Variants in OR10D3 observed in about 807,000 individuals in gnomAD.
OR10D3 encodes olfactory receptor 10D3.
For missense variants in OR10D3, 286 were observed against 153.7 expected (o/e 1.86, Z -4.55); for synonymous variants, 100 against 57.6 (o/e 1.74, Z -3.33).
chr11:124,187,252 A>G (rs1455725383), exon 2 of OR10D3: 2 of 152,198 alleles, frequency 1.3e-5, no homozygotes, highest in Non-Finnish European at 2.9e-5. Context: ...TAGACTTGGT[A>G]AAGCTTCAAG....
exon 2 of OR10D3, chr11:124,187,138 A>G (rs1013468778): frequency 1.3e-5 from 2 of 152,224 alleles, no homozygotes; most frequent in Admixed American, 1.3e-4. Context: ...ATTAAAAACT[A>G]TGATGTGTAT....
Position 124,185,860 on chromosome 11 carries a change from G to GGTGA in OR10D3, c.593_596dup (p.Phe200GlufsTer22), listed in dbSNP as rs944798994. On this transcript the variant is annotated frameshift_variant, in exon 2 of 2. Coordinates refer to ENST00000641351, the Ensembl canonical transcript of OR10D3. LOFTEE classifies it low-confidence loss of function (END_TRUNC). ...GTGCTGACACATCCTTAGCCCAGAG[G>GGTGA]GTGAGCTTCACCAACGTTGGCCTCA... The GGTGA allele has an allele frequency of 2.8e-6, 2 of 703,286 alleles. No homozygotes were observed. The highest frequency in any genetic ancestry group is 3.5e-5 in the African/African-American group (2 of 57,248). The allele number at this position is 703,286 out of a possible 1,614,324, so 43.6% of individuals were successfully genotyped here.
At chr11:124,187,836 G>A (rs1861243515) in exon 2 of OR10D3, 1 of 152,190 alleles carries the variant, frequency 6.6e-6, no homozygotes. Context: ...CATAAATGCT[G>A]TGTAAAACTA....
intron 1 of OR10D3, among the ~76,000 whole-genome samples, chr11:124,184,703 G>T (rs556255842): frequency 5.9e-5 from 9 of 152,242 alleles, no homozygotes; most frequent in South Asian, 2.1e-4. Context: ...CTTTTCTGTA[G>T]ACCTCCTCAA....
exon 2 of OR10D3, chr11:124,185,980 C>T: frequency 1.4e-6 from 1 of 703,414 alleles, no homozygotes; most frequent in Non-Finnish European, 2.6e-6. Flanking sequence ...GTCGCCGTGC[C>T]TTCTCCACCT....
chr11:124,185,381 A>G (rs61907117), exon 2 of OR10D3: 17,312 of 702,810 alleles, frequency 0.025, 274 homozygotes, highest in Middle Eastern at 0.049. Flanking sequence ...CTATGCCTGC[A>G]CTCTACTGGG....
At chr11:124,185,468 T>C (rs1461870277) in exon 2 of OR10D3, 6 of 703,172 alleles carry the variant, frequency 8.5e-6, no homozygotes, top group Non-Finnish European at 1.6e-5. Flanking sequence ...GGGAAACTTG[T>C]CTGTGTTTGA....
chr11:124,187,770 G>A (rs763353433), exon 2 of OR10D3: 2 of 152,050 alleles, frequency 1.3e-5, no homozygotes, highest in Non-Finnish European at 2.9e-5. Flanking sequence ...TCTGTCTTTG[G>A]TTCAGTAGTA....
chr11:124,184,811 A>G (rs890215313), intron 1 of OR10D3, among the ~76,000 whole-genome samples: 3 of 152,220 alleles, frequency 2.0e-5, no homozygotes, highest in African/African-American at 4.8e-5. Flanking sequence ...TAAAAAACGT[A>G]GACATAAAAT....
At chr11:124,185,858 A>G (rs2137699252) in exon 2 of OR10D3, 1 of 703,504 alleles carries the variant, frequency 1.4e-6, no homozygotes, top group South Asian at 1.5e-5. Context: ...CTTAGCCCAG[A>G]GGGTGAGCTT....
chr11:124,183,458 CTCTTTCTCTT>C (rs1384945774), intron 1 of OR10D3, 75 bp downstream of exon 1: 4 of 147,020 alleles, frequency 2.7e-5, no homozygotes, highest in Non-Finnish European at 4.4e-5. Flanking sequence ...CTCTTTCTCT[CTCTTTCTCTT>C]TCTTTCTCTT....
exon 2 of OR10D3, chr11:124,185,560 T>C (rs1194922228): frequency 3.8e-5 from 27 of 703,380 alleles, no homozygotes; most frequent in Non-Finnish European, 6.8e-5. Flanking sequence ...ACAAAGACTG[T>C]GTCTGCCAGC....
exon 2 of OR10D3, chr11:124,186,730 A>G (rs1425069408): frequency 1.3e-5 from 2 of 152,932 alleles, no homozygotes; most frequent in Admixed American, 1.3e-4. Flanking sequence ...GTCAGCAAGG[A>G]TGTTCATCCC....
chr11:124,185,638 C>G, exon 2 of OR10D3: 1 of 703,640 alleles, frequency 1.4e-6, no homozygotes, highest in South Asian at 1.5e-5. Flanking sequence ...ATGACCGCTT[C>G]ACTGCCATCT....
rs116232664 is a variant in OR10D3, at chr11:124,185,132, C to T, written c.-11-127C>T. 2.3e-3 allele frequency: 1,361 copies of T among 593,064 alleles called. 21 individuals are homozygous for T. The highest frequency in any genetic ancestry group is 0.022 in the African/African-American group (1,201 of 53,844). 36.7% of individuals were successfully genotyped at this position (593,064 alleles called of 1,614,324 possible). ...GCCTTGTAACTTGAATCACAAGCAG[C>T]CTTTCCATAACTTAGATGCAAATCA... On this transcript the variant is annotated intron_variant, in intron 1 of 1. Transcript: ENST00000641351.
chr11:124,186,133 T>C (rs1336197350), exon 2 of OR10D3: 3 of 702,946 alleles, frequency 4.3e-6, no homozygotes, highest in Middle Eastern at 2.3e-4. Context: ...CTTTGATCTA[T>C]ACCTTGAGGA....
chr11:124,184,980 A>T (rs1156357576), intron 1 of OR10D3, among the ~76,000 whole-genome samples: 1 of 152,176 alleles, frequency 6.6e-6, no homozygotes, highest in Non-Finnish European at 1.5e-5. Context: ...CCCTCTCTTT[A>T]AAAATCTTTG....
chr11:124,183,808 G>C (rs1861190128), intron 1 of OR10D3, among the ~76,000 whole-genome samples: 1 of 152,142 alleles, frequency 6.6e-6, no homozygotes, highest in Non-Finnish European at 1.5e-5. Context: ...AGAATGAACA[G>C]AGAGCATGGA....
Position 124,183,885 on chromosome 11 carries a change from A to G in OR10D3, c.-12+502A>G, listed in dbSNP as rs1404528009. On this transcript the variant is annotated intron_variant, in intron 1 of 1. Transcript: ENST00000641351. ...TTTGAGCCCATTGTGCTGGCCCATC[A>G]GCTCACAAACCCCATTCTTGTTATT... is the stretch of plus-strand genomic sequence containing the variant. 3.3e-5 allele frequency among the ~76,000 whole-genome samples: 5 copies of G among 152,194 alleles called. No individual in the cohort carries two copies. The East Asian group carries it at 9.6e-4, about 29-fold the overall frequency.
Sources: allele counts gnomAD v4.1 joint callset (sites outside exome capture counted in the v4.1 genomes callset), GRCh38; gene constraint gnomAD v4.1.1; transcripts MANE v1.5; gene names NCBI Gene and HGNC (gene_info 2026-07-23, HGNC 2026-07-21).